The following BANK1 variants were observed in gnomAD, a reference collection of about 807,000 sequenced individuals.
BANK1 encodes B-cell scaffold protein with ankyrin repeats.
BANK1 carries 95 observed loss-of-function variants against 94.5 expected under a neutral mutation model. The ratio of observed to expected loss-of-function variants is 1.00; its 90% CI spans 0.85 to 1.19. The LOEUF (loss-of-function observed/expected upper bound fraction) is 1.19, where lower values mean the gene tolerates loss of function less well. BANK1 is among the 50% of genes most tolerant of loss of function. The pLI is 0.00. For missense variants in BANK1, 987 were observed against 932.2 expected, an observed-to-expected ratio of 1.06 and a Z score of -0.77; for synonymous variants, 334 against 308.4, an observed-to-expected ratio of 1.08 and a Z score of -0.87.
intron 6 of BANK1, among the ~76,000 whole-genome samples, chr4:101,915,067 G>A (rs1421654467): frequency 6.6e-5 from 10 of 152,158 alleles, no homozygotes; most frequent in Admixed American, 1.3e-4. Flanking sequence ...GCCTTAAGGT[G>A]TTACAAACAA....
intron 7 of BANK1, among the ~76,000 whole-genome samples, chr4:101,967,560 C>G (rs2148921639): frequency 6.6e-6 from 1 of 152,014 alleles, no homozygotes; most frequent in South Asian, 2.1e-4. Context: ...ACATTCAATT[C>G]AATAAACCCA....
At chr4:101,822,561 C>T (rs541172390) in intron 1 of BANK1, among the ~76,000 whole-genome samples, 1 of 150,878 alleles carries the variant, frequency 6.6e-6, no homozygotes, top group African/African-American at 2.4e-5. Flanking sequence ...GCATTCTCTT[C>T]TTAAAGAAAC....
chr4:102,021,577 T>C lies in BANK1; in HGVS notation c.1270T>C (p.Ser424Pro), dbSNP rs1447784389. 7.0e-7 allele frequency: 1 copy of C among 1,424,642 alleles called. No homozygotes were observed. Among genetic ancestry groups the C allele is most frequent in the Non-Finnish European group, 9.5e-7 (1 of 1,052,230 alleles). The allele number at this position is 1,424,642 out of a possible 1,614,324, so 88.3% of individuals were successfully genotyped here. Residue 424 changes from serine to proline, a missense_variant, in exon 8 of 17, where the codon TCC becomes CCC. Coordinates refer to ENST00000322953, the MANE Select transcript of BANK1 (RefSeq NM_017935.5). The stretch of plus-strand genomic sequence containing the variant: ...TTATGAAGAGGATATTGCCTCATTT[T>C]CCACATATATTCCTTGTAAGTTTTT... ...NDYEEDIASF[S>P]TYIPSTQNPA... is the part of the protein sequence containing the mutation.
intron 1 of BANK1, among the ~76,000 whole-genome samples, chr4:101,829,509 A>C (rs1287084409): frequency 6.6e-6 from 1 of 151,724 alleles, no homozygotes; most frequent in Non-Finnish European, 1.5e-5. Flanking sequence ...ATCTATGTCT[A>C]ATCTACTTAT....
intron 14 of BANK1, 31 bp downstream of exon 14, chr4:102,071,335 AGAC>A (rs1728753042): frequency 1.9e-6 from 3 of 1,602,420 alleles, no homozygotes; most frequent in Non-Finnish European, 2.6e-6. Flanking sequence ...GAAGGATCTA[AGAC>A]TAAAACAAAG....
chr4:101,921,440 G>A (rs1238763463), intron 7 of BANK1, among the ~76,000 whole-genome samples: 3 of 151,834 alleles, frequency 2.0e-5, no homozygotes, highest in African/African-American at 4.8e-5. Flanking sequence ...TAAATAAAAC[G>A]TGCATGAAAA....
At chr4:101,848,388 C>T (rs1343701801) in intron 2 of BANK1, among the ~76,000 whole-genome samples, 2 of 152,138 alleles carry the variant, frequency 1.3e-5, no homozygotes, top group African/African-American at 4.8e-5. Flanking sequence ...CCATGATCTC[C>T]GGTATTCATT....
chr4:101,804,826 C>T (rs1450036174), intron 1 of BANK1, among the ~76,000 whole-genome samples: 1 of 152,126 alleles, frequency 6.6e-6, no homozygotes, highest in African/African-American at 2.4e-5. Flanking sequence ...AGCTTCTAGT[C>T]AGCAGTAGTT....
At chr4:101,981,454 T>C (rs751864146) in intron 7 of BANK1, among the ~76,000 whole-genome samples, 4 of 152,108 alleles carry the variant, frequency 2.6e-5, no homozygotes, top group Non-Finnish European at 5.9e-5. Flanking sequence ...TCTCGTAATG[T>C]GCTGACGGCT....
intron 9 of BANK1, among the ~76,000 whole-genome samples, chr4:102,026,944 G>A (rs1342313605): frequency 6.6e-6 from 1 of 151,998 alleles, no homozygotes; most frequent in Non-Finnish European, 1.5e-5. Context: ...GGAAAGTACT[G>A]CTTAATTGAA....
At chr4:101,815,198 G>C (rs943759245) in intron 1 of BANK1, among the ~76,000 whole-genome samples, 1 of 152,108 alleles carries the variant, frequency 6.6e-6, no homozygotes, top group African/African-American at 2.4e-5. Flanking sequence ...CCGGACCATA[G>C]GTCAGGAACT....
intron 7 of BANK1, among the ~76,000 whole-genome samples, chr4:101,944,349 G>T (rs778574844): frequency 6.6e-6 from 1 of 151,696 alleles, no homozygotes; most frequent in Non-Finnish European, 1.5e-5. Context: ...ACCTCCCTTG[G>T]CTCATCCAAT....
At chr4:101,936,348 C>A (rs149401112) in intron 7 of BANK1, among the ~76,000 whole-genome samples, 2 of 145,042 alleles carry the variant, frequency 1.4e-5, no homozygotes, top group African/African-American at 4.9e-5. Flanking sequence ...TGTACATATA[C>A]ATGTATACAT....
chr4:101,940,042 G>A (rs1172401401), intron 7 of BANK1, among the ~76,000 whole-genome samples: 1 of 151,510 alleles, frequency 6.6e-6, no homozygotes, highest in Non-Finnish European at 1.5e-5. Context: ...AAACTACATA[G>A]AGCTCATTCA....
intron 1 of BANK1, among the ~76,000 whole-genome samples, chr4:101,821,885 C>G (rs1240236879): frequency 6.6e-6 from 1 of 152,064 alleles, no homozygotes; most frequent in African/African-American, 2.4e-5. Context: ...AATAAAAAAC[C>G]CTATCATTCT....
chr4:101,818,872 A>ATTTTTTTTTTTTTTTTTT (rs70964193), intron 1 of BANK1, among the ~76,000 whole-genome samples: 1 of 136,156 alleles, frequency 7.3e-6, no homozygotes, highest in African/African-American at 2.7e-5. Context: ...AGATTACTGT[A>ATTTTTTTTTTTTTTTTTT]TTTTTTTTTT....
In BANK1 at chr4:101,965,339, T is replaced by TA. The variant is rs57496270; in HGVS notation, c.1206+47163dup. Among the ~76,000 whole-genome samples, 1,120 of 139,256 alleles carry TA rather than the reference T, an allele frequency of 8.0e-3. 4 individuals carry two copies. The highest frequency in any genetic ancestry group is 0.016 in the African/African-American group (607 of 37,822). 91.4% of individuals were successfully genotyped at this position (139,256 alleles called of 152,430 possible). On this transcript the variant is annotated intron_variant, in intron 7 of 16. Transcript: ENST00000322953. ...ATGTCTGCATTTATAACCACCTAAA[T>TA]AAAAAAAAAAAAACAGTGACACAAA...
chr4:101,901,243 G>T (rs1722271435), intron 6 of BANK1, among the ~76,000 whole-genome samples: 1 of 152,102 alleles, frequency 6.6e-6, no homozygotes, highest in African/African-American at 2.4e-5. Context: ...GGAAGATAAA[G>T]AATTATAATT....
intron 6 of BANK1, among the ~76,000 whole-genome samples, chr4:101,898,469 T>C (rs971541915): frequency 1.3e-5 from 2 of 152,028 alleles, no homozygotes; most frequent in African/African-American, 4.8e-5. Flanking sequence ...CTTTATTTGG[T>C]GAACTATTTT....
Sources: allele counts gnomAD v4.1 joint callset (sites outside exome capture counted in the v4.1 genomes callset), GRCh38; gene constraint gnomAD v4.1.1; transcripts MANE v1.5; gene names NCBI Gene and HGNC (gene_info 2026-07-23, HGNC 2026-07-21).